The following HIPK2 variants were observed in gnomAD, a reference collection of about 807,000 sequenced individuals.
HIPK2 encodes homeodomain-interacting protein kinase 2.
Under a neutral mutation model 113.7 loss-of-function variants are expected in HIPK2, and 27 were observed. The ratio of observed to expected loss-of-function variants is 0.24; its 90% confidence interval spans 0.17 to 0.33. The LOEUF is 0.33. HIPK2 is among the 10% of genes least tolerant of loss of function. HIPK2 has a pLI of 1.00. For synonymous variants in HIPK2, 631 were observed against 642.2 expected, an observed-to-expected ratio of 0.98 and a Z score of 0.26; for missense variants, 1,257 against 1,588.0, an observed-to-expected ratio of 0.79 and a Z score of 3.54.
At chr7:139,662,471 C>G (rs1392678709) in intron 2 of HIPK2, among the ~76,000 whole-genome samples, 1 of 152,122 alleles carries the variant, frequency 6.6e-6, no homozygotes, top group Non-Finnish European at 1.5e-5. Context: ...AAACCACTTG[C>G]CAAAGAAATC....
At chr7:139,680,210 G>T (rs1249847156) in intron 2 of HIPK2, among the ~76,000 whole-genome samples, 2 of 152,174 alleles carry the variant, frequency 1.3e-5, no homozygotes, top group Non-Finnish European at 2.9e-5. Context: ...TCTGCCCCTG[G>T]ACTGTTTGTG....
At chr7:139,616,161 TC>T (rs1486230599) in intron 7 of HIPK2, among the ~76,000 whole-genome samples, 1 of 152,134 alleles carries the variant, frequency 6.6e-6, no homozygotes, top group African/African-American at 2.4e-5. Flanking sequence ...GGTTCCACTT[TC>T]TTGCCAGCCA....
intron 12 of HIPK2, among the ~76,000 whole-genome samples, chr7:139,593,409 T>C (rs762899377): frequency 2.6e-5 from 4 of 152,244 alleles, no homozygotes; most frequent in Admixed American, 6.5e-5. Context: ...CAACATGCCC[T>C]GGAGTTCTTA....
At chr7:139,727,054 G>A (rs1407259499) in intron 1 of HIPK2, among the ~76,000 whole-genome samples, 1 of 152,186 alleles carries the variant, frequency 6.6e-6, no homozygotes, top group African/African-American at 2.4e-5. Flanking sequence ...GGTCATGGGT[G>A]GAGATGTGGA....
Position 139,714,327 on chromosome 7 carries a change from T to G in HIPK2, c.1103+1605A>C, listed in dbSNP as rs1330784647. Among the ~76,000 whole-genome samples the G allele has an allele frequency of 6.6e-6, 1 of 151,932 alleles. No individual in the cohort carries two copies. Among genetic ancestry groups the G allele is most frequent in the Non-Finnish European group, 1.5e-5 (1 of 67,968 alleles). ...CGAAACCTCCTGTGTGAGTCAGGAT[T>G]AGGATGAAAGGAGACGGGGTGGAAG... On this transcript the variant is annotated intron_variant, in intron 2 of 14. Coordinates refer to ENST00000406875, the MANE Select transcript of HIPK2 (RefSeq NM_022740.5). The surrounding 1 kb of genome is among the most constrained non-coding windows in gnomAD (Gnocchi z 4.2).
chr7:139,754,233 T>G (rs992374792), intron 1 of HIPK2, among the ~76,000 whole-genome samples: 4 of 152,252 alleles, frequency 2.6e-5, no homozygotes, highest in African/African-American at 9.6e-5. Flanking sequence ...AGAGCCATTT[T>G]AAGCATAAAT....
intron 2 of HIPK2, among the ~76,000 whole-genome samples, chr7:139,649,904 C>T (rs143640262): frequency 7.4e-4 from 113 of 152,178 alleles, no homozygotes; most frequent in Non-Finnish European, 1.5e-3. Flanking sequence ...AAGCAGCAAG[C>T]GAAAGGGTTC....
intron 1 of HIPK2, among the ~76,000 whole-genome samples, chr7:139,728,421 A>C (rs1795653804): frequency 6.6e-6 from 1 of 152,138 alleles, no homozygotes; most frequent in African/African-American, 2.4e-5. Flanking sequence ...GTTCCTTCTG[A>C]GGGCTGGAAG....
chr7:139,587,767 G>A (rs1217016095), intron 12 of HIPK2, among the ~76,000 whole-genome samples: 22 of 151,910 alleles, frequency 1.4e-4, no homozygotes, highest in African/African-American at 4.3e-4. Context: ...AGTCCTAGCT[G>A]CTCGGGAGAC....
intron 2 of HIPK2, among the ~76,000 whole-genome samples, chr7:139,705,662 G>A (rs920660902): frequency 5.9e-5 from 9 of 152,050 alleles, no homozygotes; most frequent in African/African-American, 1.9e-4. Flanking sequence ...CAGGTGTGAG[G>A]AAGTTTTCTC....
At chr7:139,752,228 C>A (rs1796290258) in intron 1 of HIPK2, among the ~76,000 whole-genome samples, 1 of 152,216 alleles carries the variant, frequency 6.6e-6, no homozygotes, top group Admixed American at 6.5e-5. Context: ...CCCACAGGGG[C>A]AGCTCCTTTG....
intron 2 of HIPK2, among the ~76,000 whole-genome samples, chr7:139,635,921 TC>T (rs1800797334): frequency 1.3e-5 from 2 of 152,114 alleles, no homozygotes; most frequent in African/African-American, 4.8e-5. Flanking sequence ...AATCCCTTCG[TC>T]TCCCAGCAGC....
intron 2 of HIPK2, among the ~76,000 whole-genome samples, chr7:139,688,584 G>A (rs1386516977): frequency 6.6e-6 from 1 of 152,184 alleles, no homozygotes; most frequent in Non-Finnish European, 1.5e-5. Context: ...AAAGGGAGAT[G>A]TTTAAGAGGG....
chr7:139,687,596 C>T (rs927147468), intron 2 of HIPK2, among the ~76,000 whole-genome samples: 7 of 152,162 alleles, frequency 4.6e-5, no homozygotes, highest in Non-Finnish European at 7.3e-5. Flanking sequence ...GGGTGATAAG[C>T]TGCCCCCAAT....
At chr7:139,672,625 AT>A (rs1802344919) in intron 2 of HIPK2, among the ~76,000 whole-genome samples, 1 of 151,982 alleles carries the variant, frequency 6.6e-6, no homozygotes, top group Non-Finnish European at 1.5e-5. Context: ...CGCCCGCCTA[AT>A]TTTTTGTATT....
At chr7:139,651,294 G>A (rs890753115) in intron 2 of HIPK2, among the ~76,000 whole-genome samples, 1 of 152,216 alleles carries the variant, frequency 6.6e-6, no homozygotes, top group African/African-American at 2.4e-5. Context: ...ATGGCATGAA[G>A]TTTGCAAGCT....
At chr7:139,592,839 C>T (rs538074927) in intron 12 of HIPK2, among the ~76,000 whole-genome samples, 2 of 152,236 alleles carry the variant, frequency 1.3e-5, no homozygotes, top group Non-Finnish European at 2.9e-5. Flanking sequence ...ATCTGTTTGT[C>T]TTATCTTTTG....
chr7:139,650,401 A>G (rs1168512928), intron 2 of HIPK2, among the ~76,000 whole-genome samples: 1 of 151,696 alleles, frequency 6.6e-6, no homozygotes, highest in Non-Finnish European at 1.5e-5. Flanking sequence ...GATCTGGGGA[A>G]CACAATAGTA....
intron 1 of HIPK2, among the ~76,000 whole-genome samples, chr7:139,776,682 C>T (rs1204794897): frequency 1.3e-5 from 2 of 152,104 alleles, no homozygotes; most frequent in African/African-American, 2.4e-5. Flanking sequence ...AACATTTACA[C>T]GATGAAACGA....
Sources: gnomAD v4.1 joint callset for allele counts (sites outside exome capture counted in the v4.1 genomes callset) on GRCh38, gnomAD v4.1.1 for gene constraint, Gnocchi (gnomAD v3.1) non-coding constraint, MANE v1.5 for transcripts, NCBI Gene and HGNC (gene_info 2026-07-23, HGNC 2026-07-21) for gene names.